The following IGF1R variants were observed in gnomAD, a reference collection of about 807,000 sequenced individuals.
The protein encoded by IGF1R is insulin like growth factor 1 receptor.
Under a neutral mutation model 144.6 loss-of-function variants are expected in IGF1R, and 44 were observed. The observed-to-expected ratio is 0.30, with a 90% confidence interval of 0.24 to 0.39. The LOEUF (loss-of-function observed/expected upper bound fraction) is 0.39, where lower values mean the gene tolerates loss of function less well. Among genes scored for constraint, IGF1R ranks in the 10% least tolerant of loss-of-function variants. The pLI is 1.00. For missense variants in IGF1R, 1,355 were observed against 1,833.7 expected (o/e 0.74, Z 4.77); for synonymous variants, 795 against 722.8 (o/e 1.10, Z -1.60).
At chr15:98,869,892 G>T (rs1313090972) in intron 2 of IGF1R, among the ~76,000 whole-genome samples, 1 of 152,184 alleles carries the variant, frequency 6.6e-6, no homozygotes, top group East Asian at 1.9e-4. Context: ...CTATCTGTGT[G>T]TAAGGCTCTC....
chr15:98,692,609 C>A (rs890975562), intron 1 of IGF1R, among the ~76,000 whole-genome samples: 4 of 152,174 alleles, frequency 2.6e-5, no homozygotes, highest in Non-Finnish European at 5.9e-5. Context: ...TTTGGACTTT[C>A]CAGTAACATT....
chr15:98,771,343 C>G (rs1358772125), intron 2 of IGF1R, among the ~76,000 whole-genome samples: 1 of 152,132 alleles, frequency 6.6e-6, no homozygotes, highest in South Asian at 2.1e-4. Context: ...CATTGTCTTC[C>G]TCTCTCCCTT....
chr15:98,688,788 G>A (rs565634910), intron 1 of IGF1R, among the ~76,000 whole-genome samples: 7 of 152,268 alleles, frequency 4.6e-5, no homozygotes, highest in Admixed American at 3.3e-4. Flanking sequence ...CAAGCTCTTT[G>A]TAAGTGTATT....
chr15:98,776,030 C>CTCAATCACA (rs1196507014), intron 2 of IGF1R, among the ~76,000 whole-genome samples: 6 of 152,198 alleles, frequency 3.9e-5, no homozygotes, highest in African/African-American at 1.4e-4. Context: ...TACAGACTTT[C>CTCAATCACA]TCAATCACAT....
chr15:98,731,153 G>A (rs1017358738), intron 2 of IGF1R, among the ~76,000 whole-genome samples: 2 of 152,198 alleles, frequency 1.3e-5, no homozygotes, highest in Admixed American at 6.5e-5. Context: ...AAATGTTACC[G>A]TAGTGATAAT....
intron 2 of IGF1R, among the ~76,000 whole-genome samples, chr15:98,869,337 C>T (rs2012649447): frequency 6.6e-6 from 1 of 150,910 alleles, no homozygotes; most frequent in Non-Finnish European, 1.5e-5. Context: ...CCACATACCG[C>T]ATGGGTATTA....
intron 1 of IGF1R, chr15:98,650,753 G>A (rs1300282269): frequency 3.1e-6 from 1 of 325,024 alleles, no homozygotes; most frequent in East Asian, 1.7e-4. Flanking sequence ...CCTTGGTTTT[G>A]TTGTGGTCGG....
chr15:98,883,276 C>G (rs1267502629), intron 2 of IGF1R, among the ~76,000 whole-genome samples: 1 of 152,212 alleles, frequency 6.6e-6, no homozygotes, highest in African/African-American at 2.4e-5. Flanking sequence ...TTAAACTCTT[C>G]CTGGAATCTC....
intron 2 of IGF1R, among the ~76,000 whole-genome samples, chr15:98,811,529 C>A (rs868171280): frequency 4.2e-4 from 56 of 134,270 alleles, no homozygotes; most frequent in African/African-American, 4.2e-4. Flanking sequence ...AACTCCATCT[C>A]AAAAAAAAAA....
chr15:98,938,690 G>A (rs949644288), intron 17 of IGF1R, among the ~76,000 whole-genome samples: 1 of 152,158 alleles, frequency 6.6e-6, no homozygotes, highest in Non-Finnish European at 1.5e-5. Flanking sequence ...AGGTTGAAGG[G>A]AAAGAAAAGG....
In IGF1R at chr15:98,963,515, C is replaced by A. The variant is rs1258312013; in HGVS notation, c.*6073C>A. ...CATGGAAACAGCCGAGGTGTTGGAGCCCAGCAGTGCATGGCACCGTTCGGC... is the reference window on the plus strand; with the variant it reads ...CATGGAAACAGCCGAGGTGTTGGAGACCAGCAGTGCATGGCACCGTTCGGC... On this transcript the variant is annotated 3_prime_UTR_variant, in exon 21 of 21. Transcript: ENST00000650285. 3 of 233,146 alleles carry A rather than the reference C, an allele frequency of 1.3e-5. No homozygotes were observed. The highest frequency in any genetic ancestry group is 5.6e-5 in the Admixed American group (1 of 17,776). 14.4% of individuals were successfully genotyped at this position (233,146 alleles called of 1,614,324 possible). A position where few individuals can be genotyped will look rare whatever the true frequency, so the allele number is the denominator to read the frequency against.
chr15:98,933,037 A>G (rs932107497), intron 15 of IGF1R, among the ~76,000 whole-genome samples: 1 of 152,202 alleles, frequency 6.6e-6, no homozygotes, highest in African/African-American at 2.4e-5. Flanking sequence ...ATCTGAAAGC[A>G]TGAAAGCAAA....
At chr15:98,689,681 G>A (rs962545837) in intron 1 of IGF1R, among the ~76,000 whole-genome samples, 1 of 152,218 alleles carries the variant, frequency 6.6e-6, no homozygotes, top group African/African-American at 2.4e-5. Context: ...AGGCACATTA[G>A]GTTCTTGCCA....
At chr15:98,716,237 CT>C (rs1596226405) in intron 2 of IGF1R, among the ~76,000 whole-genome samples, 1 of 152,158 alleles carries the variant, frequency 6.6e-6, no homozygotes, top group Non-Finnish European at 1.5e-5. Flanking sequence ...GAGTAAGTTA[CT>C]GAGGGTTTCC....
Position 98,957,364 on chromosome 15 carries a change from GAGAC to G in IGF1R, c.4029_4032del (p.Arg1343SerfsTer6), listed in dbSNP as rs774910796. On this transcript the variant is annotated frameshift_variant, in exon 21 of 21. Coordinates refer to ENST00000650285, the MANE Select transcript of IGF1R (RefSeq NM_000875.5). LOFTEE classifies it high-confidence loss of function. ...TGGTCCTCCGCGCCAGCTTCGACGA[GAGAC>G]AGCCTTACGCCCACATGAACGGGGG... 1 of 1,612,732 alleles carries G rather than the reference GAGAC, an allele frequency of 6.2e-7. No individual in the cohort carries two copies. The highest frequency in any genetic ancestry group is 1.1e-5 in the South Asian group (1 of 91,066).
At chr15:98,667,892 G>T (rs1020278748) in intron 1 of IGF1R, among the ~76,000 whole-genome samples, 1 of 152,052 alleles carries the variant, frequency 6.6e-6, no homozygotes, top group Non-Finnish European at 1.5e-5. Context: ...TCGTCAGGCA[G>T]GAGGTGGTGT....
At chr15:98,774,246 T>G (rs970824733) in intron 2 of IGF1R, among the ~76,000 whole-genome samples, 1 of 152,214 alleles carries the variant, frequency 6.6e-6, no homozygotes, top group East Asian at 1.9e-4. Context: ...TCACGTTGGC[T>G]ACAGCACCCA....
chr15:98,711,173 C>G (rs2053983041), intron 2 of IGF1R, among the ~76,000 whole-genome samples: 1 of 152,114 alleles, frequency 6.6e-6, no homozygotes, highest in Non-Finnish European at 1.5e-5. Context: ...TTGGGGAGCT[C>G]CATGAAGGGC....
At chr15:98,865,126 C>G (rs2012359018) in intron 2 of IGF1R, among the ~76,000 whole-genome samples, 1 of 152,164 alleles carries the variant, frequency 6.6e-6, no homozygotes, top group African/African-American at 2.4e-5. Context: ...ATACATGATT[C>G]TGAGTTAGTT....
Sources: allele counts gnomAD v4.1 joint callset (sites outside exome capture counted in the v4.1 genomes callset), GRCh38; gene constraint gnomAD v4.1.1; transcripts MANE v1.5; gene names NCBI Gene and HGNC (gene_info 2026-07-23, HGNC 2026-07-21).